MTMR12: variants seen among roughly 807,000 people sequenced by gnomAD.
MTMR12 encodes myotubularin related protein 12, also known as myotubularin-related protein 12.
A neutral mutation model predicts 96.7 loss-of-function variants in MTMR12; 33 were observed. That is an observed-to-expected ratio of 0.34 (90% CI 0.26 to 0.46). The LOEUF is 0.46. Ranked by LOEUF, MTMR12 falls within the 20% of genes least tolerant of loss-of-function variation. MTMR12 has a pLI of 1.00. For missense variants in MTMR12, 721 were observed against 896.1 expected (o/e 0.80, Z 2.49); for synonymous variants, 298 against 327.2 (o/e 0.91, Z 0.96).
intron 7 of MTMR12, among the ~76,000 whole-genome samples, chr5:32,260,973 G>A (rs374504395): frequency 1.3e-5 from 2 of 151,520 alleles, no homozygotes; most frequent in East Asian, 2.0e-4. Flanking sequence ...TGGCTCACGC[G>A]TGTAATCCCA....
intron 8 of MTMR12, among the ~76,000 whole-genome samples, chr5:32,252,306 C>T (rs181877047): frequency 6.6e-6 from 1 of 152,280 alleles, no homozygotes; most frequent in East Asian, 1.9e-4. Context: ...GTAATGTTTG[C>T]ACAACACTGA....
At chr5:32,309,420 T>C (rs530642898) in intron 1 of MTMR12, among the ~76,000 whole-genome samples, 4 of 151,974 alleles carry the variant, frequency 2.6e-5, no homozygotes, top group Non-Finnish European at 5.9e-5. Context: ...ATCAACAAAA[T>C]GAAGAGATAA....
At chr5:32,307,291 T>C (rs1186416466) in intron 1 of MTMR12, among the ~76,000 whole-genome samples, 1 of 152,208 alleles carries the variant, frequency 6.6e-6, no homozygotes, top group African/African-American at 2.4e-5. Flanking sequence ...AAAGATGGAT[T>C]TGGTACCCAA....
intron 1 of MTMR12, among the ~76,000 whole-genome samples, chr5:32,279,743 G>C (rs1051638276): frequency 6.6e-6 from 1 of 152,206 alleles, no homozygotes; most frequent in African/African-American, 2.4e-5. Flanking sequence ...GGATGATTTT[G>C]GGATGAAACT....
chr5:32,286,624 TTC>T (rs1437897772), intron 1 of MTMR12, among the ~76,000 whole-genome samples: 15 of 152,270 alleles, frequency 9.9e-5, no homozygotes, highest in African/African-American at 3.6e-4. Context: ...CTACAAAAGA[TTC>T]TGTCTCTACA....
At chr5:32,262,699 T>C (rs1055041292) in intron 7 of MTMR12, among the ~76,000 whole-genome samples, 6 of 152,138 alleles carry the variant, frequency 3.9e-5, no homozygotes, top group Non-Finnish European at 7.3e-5. Context: ...AACTAATAGA[T>C]GGATAAATTA....
At chr5:32,290,619 T>C (rs920942118) in intron 1 of MTMR12, among the ~76,000 whole-genome samples, 3 of 152,130 alleles carry the variant, frequency 2.0e-5, no homozygotes, top group Admixed American at 6.6e-5. Context: ...GACCCATTTA[T>C]TGAGTGGGGT....
At chr5:32,240,492 T>C (rs1225654717) in intron 12 of MTMR12, among the ~76,000 whole-genome samples, 1 of 152,036 alleles carries the variant, frequency 6.6e-6, no homozygotes, top group South Asian at 2.1e-4. Flanking sequence ...CAGAGCACTA[T>C]GGGTCCAAGC....
At chr5:32,276,571 A>G (rs1010685271) in intron 2 of MTMR12, 111 bp downstream of exon 2, 7 of 871,956 alleles carry the variant, frequency 8.0e-6, no homozygotes, top group African/African-American at 1.7e-5. Context: ...CATTACTGTT[A>G]TATGTGAGAA....
Position 32,233,430 on chromosome 5 carries a change from C to T in MTMR12, c.1674+343G>A, listed in dbSNP as rs1748078664. On this transcript the variant is annotated intron_variant, in intron 15 of 15. Coordinates refer to ENST00000382142, the MANE Select transcript of MTMR12 (RefSeq NM_001040446.3). The surrounding 1 kb of genome is among the most constrained non-coding windows in gnomAD (Gnocchi z 5.0). ...TGGTATCGGCCAAGTAAAACCCACA[C>T]AATCAATGTTCCTTTTACTCTACTA... 6.6e-6 allele frequency among the ~76,000 whole-genome samples: 1 copy of T among 151,066 alleles called. No homozygotes were observed. Among genetic ancestry groups the T allele is most frequent in the Non-Finnish European group, 1.5e-5 (1 of 67,932 alleles).
At chr5:32,307,951 C>T (rs1344896379) in intron 1 of MTMR12, among the ~76,000 whole-genome samples, 2 of 152,212 alleles carry the variant, frequency 1.3e-5, no homozygotes, top group Non-Finnish European at 1.5e-5. Flanking sequence ...AAAGGTTGTT[C>T]TGGCAGCTCA....
In MTMR12 at chr5:32,233,762, G is replaced by T; in HGVS notation, c.1674+11C>A. On this transcript the variant is annotated intron_variant, in intron 15 of 15. Coordinates refer to ENST00000382142, the MANE Select transcript of MTMR12 (RefSeq NM_001040446.3). This position sits in a 1 kb window ranked among gnomAD's most constrained non-coding sequence, Gnocchi z 5.0. The stretch of plus-strand genomic sequence containing the variant: ...GCAGCTGAAGGGGGTTTAGACATGT[G>T]GACATCTTACTTTGAAGCGCATTCC... 1 of 1,614,166 alleles carries T rather than the reference G, an allele frequency of 6.2e-7. No individual in the cohort carries two copies. Among genetic ancestry groups the T allele is most frequent in the Non-Finnish European group, 8.5e-7 (1 of 1,180,036 alleles).
intron 7 of MTMR12, chr5:32,255,996 G>T (rs868076023): frequency 2.9e-6 from 1 of 346,380 alleles, no homozygotes; most frequent in South Asian, 5.0e-5. Context: ...CTGCAATTCT[G>T]TACAACCCCA....
chr5:32,254,830 G>A (rs1749077399), intron 8 of MTMR12, among the ~76,000 whole-genome samples: 1 of 152,078 alleles, frequency 6.6e-6, no homozygotes, highest in Admixed American at 6.6e-5. Flanking sequence ...GGCAACAAGA[G>A]CAAAACTCCG....
intron 1 of MTMR12, among the ~76,000 whole-genome samples, chr5:32,303,827 C>G (rs1581649727): frequency 7.3e-6 from 1 of 136,910 alleles, no homozygotes; most frequent in Non-Finnish European, 1.5e-5. Context: ...GCTACAAACT[C>G]ACTGCCCTCT....
intron 9 of MTMR12, 56 bp from the exon 10 acceptor site, chr5:32,248,182 G>A: frequency 1.3e-6 from 2 of 1,574,704 alleles, no homozygotes; most frequent in Non-Finnish European, 1.7e-6. Context: ...TTTGCTTAAG[G>A]ATTTACTACG....
chr5:32,266,813 C>CT (rs1170216291), intron 6 of MTMR12, among the ~76,000 whole-genome samples: 2 of 152,108 alleles, frequency 1.3e-5, no homozygotes, highest in South Asian at 2.1e-4. Flanking sequence ...GGCGAGCTGG[C>CT]TCATACCTGT....
chr5:32,274,604 G>C (rs1347006915), intron 2 of MTMR12, among the ~76,000 whole-genome samples: 4 of 152,176 alleles, frequency 2.6e-5, no homozygotes, highest in Non-Finnish European at 5.9e-5. Context: ...GAGAGAGAGT[G>C]ACAGTGCCTC....
chr5:32,289,223 G>A (rs1048337721), intron 1 of MTMR12, among the ~76,000 whole-genome samples: 1 of 152,200 alleles, frequency 6.6e-6, no homozygotes, highest in African/African-American at 2.4e-5. Context: ...GTTCCTAGAA[G>A]TGAAACTGAT....
Sources: gnomAD v4.1 joint callset for allele counts (sites outside exome capture counted in the v4.1 genomes callset) on GRCh38, gnomAD v4.1.1 for gene constraint, Gnocchi (gnomAD v3.1) non-coding constraint, MANE v1.5 for transcripts, NCBI Gene and HGNC (gene_info 2026-07-23, HGNC 2026-07-21) for gene names.